PDCD11: variants seen among roughly 807,000 people sequenced by gnomAD.
PDCD11 encodes the protein programmed cell death 11.
A neutral mutation model predicts 198.9 loss-of-function variants in PDCD11; 97 were observed. That is an observed-to-expected ratio of 0.49 (90% confidence interval 0.41 to 0.58). PDCD11 has a LOEUF of 0.58. Ranked by LOEUF, PDCD11 falls within the 20% of genes least tolerant of loss-of-function variation. The pLI, the probability that PDCD11 is intolerant of heterozygous loss-of-function variation, is 0.00. For missense variants in PDCD11, 2,102 were observed against 2,312.7 expected (o/e 0.91, Z 1.87); for synonymous variants, 893 against 918.0 (o/e 0.97, Z 0.49).
intron 8 of PDCD11, among the ~76,000 whole-genome samples, chr10:103,412,800 T>C (rs2030879307): frequency 1.3e-5 from 2 of 152,226 alleles, no homozygotes; most frequent in Admixed American, 1.3e-4. Flanking sequence ...GGTTTCACTA[T>C]GTGCGCAGGC....
intron 21 of PDCD11, among the ~76,000 whole-genome samples, chr10:103,430,051 C>T (rs553276993): frequency 6.6e-6 from 1 of 152,092 alleles, no homozygotes; most frequent in African/African-American, 2.4e-5. Flanking sequence ...AGTGCAGTGG[C>T]GTGATCATGG....
In PDCD11 at chr10:103,417,699, CCCA is replaced by C; in HGVS notation, c.1771-92_1771-90del. ...TCTGATCCAAAGGCTCGGTAGATCT[CCCA>C]AGTCCTCTGCAGCAGTAGTGGAGGG... On this transcript the variant is annotated intron_variant, in intron 13 of 35. Coordinates refer to ENST00000369797, the MANE Select transcript of PDCD11 (RefSeq NM_014976.2). The C allele has an allele frequency of 2.8e-5, 39 of 1,372,634 alleles. No individual in the cohort carries two copies. The East Asian group carries it at 5.7e-4, about 20-fold the overall frequency. 85.0% of individuals were successfully genotyped at this position (1,372,634 alleles called of 1,614,324 possible).
At chr10:103,425,689 C>CT (rs1030317702) in intron 20 of PDCD11, among the ~76,000 whole-genome samples, 164 bp downstream of exon 20, 32 of 149,868 alleles carry the variant, frequency 2.1e-4, no homozygotes, top group Non-Finnish European at 3.4e-4. Context: ...TTTTTTTTTT[C>CT]TTTTTTTTGA....
chr10:103,423,491 C>A, intron 18 of PDCD11, 52 bp from the exon 19 acceptor site: 2 of 1,330,838 alleles, frequency 1.5e-6, no homozygotes, highest in South Asian at 2.4e-5. Context: ...AGGTGCTGCT[C>A]TCCCTTCACT....
intron 28 of PDCD11, among the ~76,000 whole-genome samples, 169 bp from the exon 29 acceptor site, chr10:103,440,121 A>C (rs2032316255): frequency 6.6e-6 from 1 of 152,196 alleles, no homozygotes; most frequent in South Asian, 2.1e-4. Context: ...TTTTTCTACT[A>C]AGCATGAAAA....
In PDCD11 at chr10:103,433,993, A is replaced by G; in HGVS notation, c.3520A>G (p.Ile1174Val). The G allele has an allele frequency of 1.2e-6, 2 of 1,614,066 alleles. No individual in the cohort carries two copies. The highest frequency in any genetic ancestry group is 1.7e-6 in the Non-Finnish European group (2 of 1,179,936). The change falls in exon 23 of 36, where the codon ATC (isoleucine) becomes GTC (valine). Residue 1174 changes from isoleucine to valine, a missense_variant. Coordinates refer to ENST00000369797, the MANE Select transcript of PDCD11 (RefSeq NM_014976.2). ...KWLEVEIAPD[I>V]RGRIPLLLTS... is the part of the protein sequence containing the mutation. ...GCTTGAGGTGGAGATTGCCCCAGAC[A>G]TCCGGGGGAGAATTCCCTTATTGCT...
At chr10:103,444,446 C>A in intron 34 of PDCD11, 71 bp from the exon 35 acceptor site, 1 of 1,444,412 alleles carries the variant, frequency 6.9e-7, no homozygotes, top group Non-Finnish European at 9.7e-7. Context: ...GCACGCTGAC[C>A]CTGCGGAACA....
intron 25 of PDCD11, 77 bp from the exon 26 acceptor site, chr10:103,437,938 A>C: frequency 8.7e-7 from 1 of 1,143,082 alleles, no homozygotes; most frequent in East Asian, 2.4e-5. Flanking sequence ...GTCAGCCTGG[A>C]GGAGAGGAAG....
chr10:103,435,035 AC>A (rs879008838), intron 25 of PDCD11, 60 bp downstream of exon 25: 65 of 1,298,636 alleles, frequency 5.0e-5, no homozygotes, highest in South Asian at 1.8e-4. Context: ...TTAAAAAAAA[AC>A]GTTGTTGTAA....
intron 3 of PDCD11, among the ~76,000 whole-genome samples, chr10:103,400,935 T>C (rs2030001791): frequency 6.6e-6 from 1 of 152,092 alleles, no homozygotes; most frequent in African/African-American, 2.4e-5. Flanking sequence ...TTAAATCTTT[T>C]GTAGGGCTTG....
At position 103,413,440 on chromosome 10, in the gene PDCD11, A is replaced by G. The variant is rs151321232; in HGVS notation, c.1185+118A>G. 1.7e-5 allele frequency: 13 copies of G among 760,510 alleles called. No individual in the cohort carries two copies. The East Asian group carries it at 3.2e-4, about 19-fold the overall frequency. 47.1% of individuals were successfully genotyped at this position (760,510 alleles called of 1,614,324 possible). The stretch of plus-strand genomic sequence containing the variant: ...CTAGTTTAAAATTTTTGGATATTGT[A>G]GTTCTAATTCCTGTTCATAGTGATT... On this transcript the variant is annotated intron_variant, in intron 9 of 35. Transcript: ENST00000369797.
chr10:103,416,909 A>T (rs1455896479), intron 13 of PDCD11, among the ~76,000 whole-genome samples, 167 bp downstream of exon 13: 1 of 152,168 alleles, frequency 6.6e-6, no homozygotes, highest in East Asian at 1.9e-4. Context: ...GAACAGAGAG[A>T]AAGCCTCAGC....
Position 103,439,858 on chromosome 10 carries a change from A to G in PDCD11, c.4138A>G (p.Arg1380Gly). ...CCCTGAAGGGAAGCTGCTCACAGCC[A>G]GGGTCCTACGGTAGGTGCCTTCCCG... ...HLPEGKLLTA[R>G]VLRLNHQKNL... The change falls in exon 28 of 36, where the codon AGG (arginine) becomes GGG (glycine). Residue 1380 changes from arginine (R) to glycine (G), a missense_variant. Physicochemically the swap from Arg to Gly is moderately radical, Grantham distance 125. Coordinates refer to ENST00000369797, the MANE Select transcript of PDCD11 (RefSeq NM_014976.2). The G allele has an allele frequency of 1.2e-6, 2 of 1,614,170 alleles. No homozygotes were observed. Among genetic ancestry groups the G allele is most frequent in the Non-Finnish European group, 8.5e-7 (1 of 1,180,020 alleles).
At position 103,441,828 on chromosome 10, in the gene PDCD11, G is replaced by A. The variant is rs528684921; in HGVS notation, c.4560G>A (p.Glu1520=). Residue 1520 remains glutamate, a splice_region_variant and synonymous_variant, in exon 31 of 36, where the codon GAG becomes GAA. Coordinates refer to ENST00000369797, the MANE Select transcript of PDCD11 (RefSeq NM_014976.2). ...EAEETNVLPK[E]KQTKPAEAPR... is the part of the protein sequence containing the mutation. ...TTAGCGCCTCTGTGTTCCTCCAGGAGAAGCAAACCAAGCCAGCAGAAGCGC... is the reference window on the plus strand; with the variant it reads ...TTAGCGCCTCTGTGTTCCTCCAGGAAAAGCAAACCAAGCCAGCAGAAGCGC... 1.9e-6 allele frequency: 3 copies of A among 1,613,978 alleles called. No individual in the cohort carries two copies. Among genetic ancestry groups the A allele is most frequent in the Admixed American group, 3.3e-5 (2 of 60,026 alleles).
intron 23 of PDCD11, 40 bp downstream of exon 23, chr10:103,434,077 C>G (rs536157266): frequency 1.3e-6 from 2 of 1,525,490 alleles, no homozygotes; most frequent in East Asian, 4.5e-5. Flanking sequence ...GACCCAAGTT[C>G]CCTAAGCTTG....
Position 103,416,733 on chromosome 10 carries a change from C to T in PDCD11, c.1761C>T (p.Tyr587=). Residue 587 remains tyrosine (Y), a synonymous_variant, in exon 13 of 36, where the codon TAC becomes TAT. Transcript: ENST00000369797. The part of the protein sequence containing the change: ...EYIPDPERVF[Y]TGQVVKVVVL... ...TCCCTGACCCGGAGAGAGTTTTTTA[C>T]ACTGGCCAGGTAACCCTTCCCCTAG... 1 of 1,613,526 alleles carries T rather than the reference C, an allele frequency of 6.2e-7. No individual in the cohort carries two copies. Among genetic ancestry groups the T allele is most frequent in the East Asian group, 2.2e-5 (1 of 44,868 alleles).
intron 11 of PDCD11, 78 bp downstream of exon 11, chr10:103,414,408 C>A (rs572293890): frequency 2.1e-6 from 2 of 962,078 alleles, no homozygotes; most frequent in African/African-American, 3.2e-5. Flanking sequence ...ACTGTCAGCC[C>A]GTTAGTCCTC....
Position 103,400,425 on chromosome 10 carries a change from G to C in PDCD11, c.131G>C (p.Arg44Thr). ...TCTACTGAAGAGGGATCCACCAAAA[G>C]AAAAAAGAGCCAGAAGGGGCCAGCA... ...DISTEEGSTKRKKSQKGPAKT... is the reference protein window; with the variant it reads ...DISTEEGSTKTKKSQKGPAKT... Residue 44 changes from arginine (R) to threonine (T), a missense_variant, in exon 3 of 36, where the codon AGA becomes ACA. Physicochemically the swap from Arg to Thr is moderately conservative, Grantham distance 71. Transcript: ENST00000369797. 6.2e-7 allele frequency: 1 copy of C among 1,612,926 alleles called. No homozygotes were observed.
intron 21 of PDCD11, among the ~76,000 whole-genome samples, chr10:103,427,962 G>A (rs2031768509): frequency 6.6e-6 from 1 of 152,174 alleles, no homozygotes; most frequent in African/African-American, 2.4e-5. Context: ...CTGGGATCCA[G>A]CCAGGTTGTA....
Sources: gnomAD v4.1 joint callset for allele counts (sites outside exome capture counted in the v4.1 genomes callset) on GRCh38, gnomAD v4.1.1 for gene constraint, MANE v1.5 for transcripts, NCBI Gene and HGNC (gene_info 2026-07-23, HGNC 2026-07-21) for gene names.